Variants in PCDH11X observed in about 807,000 individuals in gnomAD.
PCDH11X encodes the protein protocadherin 11 X-linked, also known as protocadherin-11 X-linked.
A neutral mutation model predicts 53.3 loss-of-function variants in PCDH11X; 18 were observed. The observed-to-expected ratio is 0.34, with a 90% confidence interval of 0.23 to 0.50. The LOEUF is 0.50. PCDH11X is among the 20% of genes least tolerant of loss of function. The pLI is 0.98. For synonymous variants in PCDH11X, 279 were observed against 393.3 expected (o/e 0.71, Z 3.44); for missense variants, 570 against 1,032.4 (o/e 0.55, Z 6.14).
intron 6 of PCDH11X, among the ~76,000 whole-genome samples, chrX:92,088,695 A>G (rs2759952): frequency 8.9e-6 from 1 of 111,797 alleles, no homozygotes; most frequent in South Asian, 3.7e-4. Context: ...GTTTCTTTCT[A>G]TGGAATGAAT....
At chrX:92,520,478 A>ATT (rs35350018) in intron 10 of PCDH11X, among the ~76,000 whole-genome samples, 16,540 of 85,161 alleles carry the variant, frequency 0.19, 1,783 homozygotes, top group East Asian at 0.43. Flanking sequence ...TGGCTGTGGC[A>ATT]TTTTTTTTTT....
chrX:92,174,328 A>T lies in PCDH11X; in HGVS notation c.3034-27047A>T, dbSNP rs1033095394. ...GGTTACCTTGAAGGAGAATGTGATG[A>T]TTTTATACTAGAGGGTTTTTTGACA... is the stretch of plus-strand genomic sequence containing the variant. On this transcript the variant is annotated intron_variant, in intron 6 of 10. Transcript: ENST00000682573. 2.7e-5 allele frequency among the ~76,000 whole-genome samples: 3 copies of T among 111,327 alleles called. No homozygotes were observed. The Admixed American group carries it at 2.9e-4, about 11-fold the overall frequency.
intron 8 of PCDH11X, among the ~76,000 whole-genome samples, chrX:92,269,756 G>A (rs2067911059): frequency 9.0e-6 from 1 of 111,476 alleles, no homozygotes; most frequent in South Asian, 3.8e-4. Context: ...AGCTACCCTT[G>A]CTAGATATTG....
At chrX:92,249,001 G>A (rs1335414226) in intron 7 of PCDH11X, among the ~76,000 whole-genome samples, 1 of 111,320 alleles carries the variant, frequency 9.0e-6, no homozygotes, top group Non-Finnish European at 1.9e-5. Flanking sequence ...ACTGTGCCCG[G>A]CCAGTAATTC....
intron 4 of PCDH11X, among the ~76,000 whole-genome samples, chrX:91,813,923 ATGT>A (rs1441320063): frequency 1.9e-5 from 2 of 105,805 alleles, no homozygotes; most frequent in Admixed American, 1.0e-4. Context: ...TGAAGGTGCA[ATGT>A]TGTTGTCAGC....
chrX:92,009,591 G>T (rs2062655005), intron 6 of PCDH11X, among the ~76,000 whole-genome samples: 1 of 109,476 alleles, frequency 9.1e-6, no homozygotes, highest in African/African-American at 3.3e-5. Flanking sequence ...TTTCAGGAAA[G>T]AATTGCTTTC....
intron 6 of PCDH11X, among the ~76,000 whole-genome samples, chrX:92,059,330 G>C (rs2063494640): frequency 9.0e-6 from 1 of 111,124 alleles, no homozygotes. Context: ...AATCCCATGA[G>C]CTAGGAAAGG....
intron 1 of PCDH11X, among the ~76,000 whole-genome samples, chrX:91,788,937 C>T (rs1935423130): frequency 1.8e-5 from 2 of 111,785 alleles, no homozygotes; most frequent in African/African-American, 6.5e-5. Context: ...CAGCGGCTCA[C>T]GCCTGTAATC....
rs191172583 is a variant in PCDH11X, at chrX:91,886,116, C to T, written c.3033+6843C>T. The stretch of plus-strand genomic sequence containing the variant: ...AAATATTTATTTCCTTACTTGATTC[C>T]TTCTTATCAGTTGACCTGGTCGCAT... On this transcript the variant is annotated intron_variant, in intron 6 of 10. Coordinates refer to ENST00000682573, the MANE Select transcript of PCDH11X (RefSeq NM_032968.5). Among the ~76,000 whole-genome samples, 404 of 111,921 alleles carry T rather than the reference C, an allele frequency of 3.6e-3. 1 individual carries two copies. The highest frequency in any genetic ancestry group is 0.013 in the African/African-American group (387 of 30,898).
At chrX:91,964,112 G>A (rs1224507481) in intron 6 of PCDH11X, among the ~76,000 whole-genome samples, 2 of 105,049 alleles carry the variant, frequency 1.9e-5, no homozygotes, top group Non-Finnish European at 3.8e-5. Context: ...AACCAAGGGA[G>A]ATGAAAGATC....
At chrX:92,199,023 G>A (rs4141535) in intron 6 of PCDH11X, among the ~76,000 whole-genome samples, 2 of 110,011 alleles carry the variant, frequency 1.8e-5, no homozygotes, top group African/African-American at 3.3e-5. Context: ...TAATATAAAC[G>A]TACCCCTTTT....
At chrX:91,850,535 T>A (rs759786730) in intron 5 of PCDH11X, among the ~76,000 whole-genome samples, 3 of 111,738 alleles carry the variant, frequency 2.7e-5, no homozygotes, top group African/African-American at 9.7e-5. Context: ...AAAGTATTTT[T>A]AAAATATTTT....
intron 10 of PCDH11X, among the ~76,000 whole-genome samples, chrX:92,609,230 G>A (rs918917353): frequency 5.4e-5 from 6 of 111,489 alleles, no homozygotes; most frequent in East Asian, 2.8e-4. Flanking sequence ...GATAACATAC[G>A]TTTTCAAATA....
At chrX:91,824,548 G>A (rs1343587395) in intron 4 of PCDH11X, among the ~76,000 whole-genome samples, 8 of 108,436 alleles carry the variant, frequency 7.4e-5, no homozygotes, top group Admixed American at 9.8e-5. Flanking sequence ...GCACTTCTCT[G>A]TATTGGTTAT....
At chrX:92,002,460 T>C (rs2062526342) in intron 6 of PCDH11X, among the ~76,000 whole-genome samples, 1 of 110,691 alleles carries the variant, frequency 9.0e-6, no homozygotes, top group East Asian at 2.9e-4. Context: ...TTTGATAGGA[T>C]TGCATTAAAT....
At chrX:92,402,762 A>G (rs1383257225) in intron 9 of PCDH11X, among the ~76,000 whole-genome samples, 3 of 111,093 alleles carry the variant, frequency 2.7e-5, no homozygotes, top group Non-Finnish European at 5.7e-5. Flanking sequence ...AAAAGCAAAC[A>G]TTGACAAATG....
At chrX:92,610,677 T>C (rs1402566164) in intron 10 of PCDH11X, among the ~76,000 whole-genome samples, 1 of 111,588 alleles carries the variant, frequency 9.0e-6, no homozygotes, top group African/African-American at 3.3e-5. Context: ...CCAAGGCTAA[T>C]GTCCAGAATG....
chrX:92,089,534 C>A (rs1250134730), intron 6 of PCDH11X, among the ~76,000 whole-genome samples: 1 of 108,593 alleles, frequency 9.2e-6, no homozygotes, highest in Non-Finnish European at 1.9e-5. Flanking sequence ...ATTTTTTTTT[C>A]TTTTTGAGAT....
chrX:91,935,880 T>C (rs34156518), intron 6 of PCDH11X, among the ~76,000 whole-genome samples: 110 of 109,471 alleles, frequency 1.0e-3, no homozygotes, highest in Non-Finnish European at 1.8e-3. Flanking sequence ...TTGAAAGAGT[T>C]ATTATCTATA....
Sources: gnomAD v4.1 joint callset for allele counts (sites outside exome capture counted in the v4.1 genomes callset) on GRCh38, gnomAD v4.1.1 for gene constraint, MANE v1.5 for transcripts, NCBI Gene and HGNC (gene_info 2026-07-23, HGNC 2026-07-21) for gene names.